CSMD1: variants seen among roughly 807,000 people sequenced by gnomAD.
The protein encoded by CSMD1 is CUB and Sushi multiple domains 1.
Under a neutral mutation model 417.5 loss-of-function variants are expected in CSMD1, and 213 were observed. That is an observed-to-expected ratio of 0.51 (90% CI 0.46 to 0.57). The LOEUF (loss-of-function observed/expected upper bound fraction) is 0.57. Among genes scored for constraint, CSMD1 ranks in the 20% least tolerant of loss-of-function variants. The pLI is 0.00. For synonymous variants in CSMD1, 2,862 were observed against 1,736.8 expected, an observed-to-expected ratio of 1.65 and a Z score of -16.11; for missense variants, 6,923 against 4,529.7, an observed-to-expected ratio of 1.53 and a Z score of -15.17.
At chr8:4,944,121 C>G (rs971358356) in intron 1 of CSMD1, among the ~76,000 whole-genome samples, 1 of 152,104 alleles carries the variant, frequency 6.6e-6, no homozygotes, top group Non-Finnish European at 1.5e-5. Context: ...AGTCTAAATT[C>G]TGCTGAGTTT....
chr8:2,973,551 GT>G (rs1185530434), intron 56 of CSMD1, among the ~76,000 whole-genome samples: 1 of 151,952 alleles, frequency 6.6e-6, no homozygotes, highest in African/African-American at 2.4e-5. Context: ...AATAAACGAC[GT>G]TTCCTTTGGA....
chr8:4,719,068 G>C (rs1283845790), intron 1 of CSMD1, among the ~76,000 whole-genome samples: 1 of 152,204 alleles, frequency 6.6e-6, no homozygotes, highest in East Asian at 1.9e-4. Flanking sequence ...AAGAGAGAGA[G>C]CTAGAATTTT....
rs557952640 is a variant in CSMD1 at position 3,599,571 on chromosome 8, C to A, written c.1098-13311G>T. Among the ~76,000 whole-genome samples the A allele has an allele frequency of 1.2e-4, 19 of 152,344 alleles. No homozygotes were observed. In the South Asian group the frequency reaches 3.9e-3, roughly 32 times the overall value. ...CCACACAGCATTGCTAACCACAACA[C>A]TGCATTATTAATCACAATACAGCAT... On this transcript the variant is annotated intron_variant, in intron 8 of 69. Coordinates refer to ENST00000635120, the MANE Select transcript of CSMD1 (RefSeq NM_033225.6).
chr8:3,226,788 A>C (rs529202022), intron 27 of CSMD1, among the ~76,000 whole-genome samples: 189 of 152,252 alleles, frequency 1.2e-3, no homozygotes, highest in African/African-American at 4.4e-3. Context: ...GTTGTCACAC[A>C]CAACAGGTGA....
chr8:4,187,318 G>C (rs1049764254), intron 3 of CSMD1, among the ~76,000 whole-genome samples: 1 of 152,110 alleles, frequency 6.6e-6, no homozygotes, highest in Non-Finnish European at 1.5e-5. Flanking sequence ...CAACCCACTA[G>C]GATGCAATGG....
chr8:3,522,075 G>A (rs778387226), intron 10 of CSMD1, among the ~76,000 whole-genome samples: 10 of 152,008 alleles, frequency 6.6e-5, no homozygotes, highest in Admixed American at 3.9e-4. Context: ...TAGATATTTG[G>A]GATGTTTATC....
chr8:3,259,772 A>G (rs1800919052), intron 26 of CSMD1, among the ~76,000 whole-genome samples: 1 of 152,248 alleles, frequency 6.6e-6, no homozygotes, highest in Non-Finnish European at 1.5e-5. Context: ...GGCAAACTGT[A>G]TACTGGAAAT....
intron 4 of CSMD1, among the ~76,000 whole-genome samples, chr8:4,017,694 G>A (rs1324741780): frequency 1.3e-5 from 2 of 151,982 alleles, no homozygotes; most frequent in African/African-American, 4.8e-5. Flanking sequence ...TTCAAAAACT[G>A]CATGGTCACA....
chr8:3,985,057 T>C (rs987851695), intron 5 of CSMD1, among the ~76,000 whole-genome samples: 1 of 152,058 alleles, frequency 6.6e-6, no homozygotes, highest in East Asian at 1.9e-4. Flanking sequence ...CTCATGTTCT[T>C]AGCTTTCAAA....
At chr8:3,900,613 G>A (rs761251834) in intron 5 of CSMD1, among the ~76,000 whole-genome samples, 9 of 151,910 alleles carry the variant, frequency 5.9e-5, no homozygotes, top group Non-Finnish European at 1.2e-4. Flanking sequence ...GTAGCTGGGT[G>A]ACACTAAGTT....
At chr8:3,776,264 G>A (rs937763584) in intron 5 of CSMD1, among the ~76,000 whole-genome samples, 11 of 152,062 alleles carry the variant, frequency 7.2e-5, no homozygotes, top group Admixed American at 2.6e-4. Context: ...TATCCTCCCT[G>A]CTCCATTCTA....
At chr8:3,169,292 G>C (rs977267215) in intron 37 of CSMD1, among the ~76,000 whole-genome samples, 4 of 152,058 alleles carry the variant, frequency 2.6e-5, no homozygotes, top group East Asian at 1.9e-4. Context: ...TTGATTTTTT[G>C]ATAGGAGACC....
intron 3 of CSMD1, among the ~76,000 whole-genome samples, chr8:4,158,684 C>T (rs937887239): frequency 2.0e-5 from 3 of 152,018 alleles, no homozygotes; most frequent in Admixed American, 6.6e-5. Flanking sequence ...GTATTATGGG[C>T]CAGCAGCTAT....
chr8:3,946,035 G>A (rs1000925863), intron 5 of CSMD1, among the ~76,000 whole-genome samples: 12 of 152,074 alleles, frequency 7.9e-5, no homozygotes, highest in African/African-American at 2.2e-4. Context: ...TACGATGTAG[G>A]CGCTACTTTT....
chr8:3,822,951 A>G (rs529448213), intron 5 of CSMD1, among the ~76,000 whole-genome samples: 4 of 152,320 alleles, frequency 2.6e-5, no homozygotes, highest in Admixed American at 2.0e-4. Flanking sequence ...TGGGCTAAGA[A>G]AAGTTGAATC....
chr8:4,320,294 G>T (rs776188614), intron 3 of CSMD1, among the ~76,000 whole-genome samples: 4 of 152,136 alleles, frequency 2.6e-5, no homozygotes, highest in Admixed American at 6.6e-5. Context: ...GAATACAAGA[G>T]TGTTCACCTT....
chr8:3,028,996 G>A (rs1160336846), intron 51 of CSMD1, among the ~76,000 whole-genome samples: 3 of 152,144 alleles, frequency 2.0e-5, no homozygotes, highest in Non-Finnish European at 2.9e-5. Flanking sequence ...TAGAACTCTT[G>A]AATAGTCTGT....
At chr8:4,356,327 A>G (rs934812835) in intron 3 of CSMD1, among the ~76,000 whole-genome samples, 1 of 102,434 alleles carries the variant, frequency 9.8e-6, no homozygotes, top group African/African-American at 4.1e-5. Flanking sequence ...CATCATATGT[A>G]ATACACACAC....
At chr8:3,355,609 G>T (rs1475043615) in intron 21 of CSMD1, among the ~76,000 whole-genome samples, 3 of 152,176 alleles carry the variant, frequency 2.0e-5, no homozygotes, top group African/African-American at 7.2e-5. Flanking sequence ...CACGATGTGG[G>T]GCTACAGCAC....
Sources: allele counts gnomAD v4.1 joint callset (sites outside exome capture counted in the v4.1 genomes callset), GRCh38; gene constraint gnomAD v4.1.1; transcripts MANE v1.5; gene names NCBI Gene and HGNC (gene_info 2026-07-23, HGNC 2026-07-21).